Variants in CKAP2L observed in about 807,000 individuals in gnomAD.
CKAP2L encodes the protein cytoskeleton-associated protein 2-like.
Under a neutral mutation model 65.7 loss-of-function variants are expected in CKAP2L, and 42 were observed. The observed-to-expected ratio is 0.64, with a 90% CI of 0.50 to 0.83. The LOEUF (loss-of-function observed/expected upper bound fraction) is 0.83. CKAP2L is among the 40% of genes least tolerant of loss of function. The pLI is 0.00. For synonymous variants in CKAP2L, 325 were observed against 313.5 expected (o/e 1.04, Z -0.39); for missense variants, 908 against 871.0 (o/e 1.04, Z -0.53).
chr2:112,761,891 A>G (rs1680733937), intron 2 of CKAP2L, among the ~76,000 whole-genome samples: 1 of 152,250 alleles, frequency 6.6e-6, no homozygotes, highest in Non-Finnish European at 1.5e-5. Context: ...AAGATAAAAT[A>G]AAGGGTGAAA....
Position 112,756,714 on chromosome 2 carries a change from G to C in CKAP2L, c.657C>G (p.Asn219Lys). The change falls in exon 4 of 9, where the codon AAC (asparagine) becomes AAG (lysine). Residue 219 changes from asparagine to lysine, a missense_variant. Physicochemically the swap from Asn to Lys is moderately conservative, Grantham distance 94. Coordinates refer to ENST00000302450, the MANE Select transcript of CKAP2L (RefSeq NM_152515.5). ...PKTDSYNQTK[N>K]SLVPKQALGK... ...CCAAGGCTTGTTTAGGAACTAAACT[G>C]TTCTTGGTTTGATTATAAGAGTCAG... 1 of 1,593,600 alleles carries C rather than the reference G, an allele frequency of 6.3e-7. No individual in the cohort carries two copies. Among genetic ancestry groups the C allele is most frequent in the Non-Finnish European group, 8.5e-7 (1 of 1,172,992 alleles).
Position 112,752,470 on chromosome 2 carries a change from G to C in CKAP2L, c.1399C>G (p.Gln467Glu), listed in dbSNP as rs371614737. ...TTAGATTTCTGCCATTCTTCTAGTT[G>C]TTTCCTGAAATTCAATTAAAGGGAG... Reference protein sequence around the residue: ...KKATAEDRRKQLEEWQKSKGK... With the variant: ...KKATAEDRRKELEEWQKSKGK... The change falls in exon 5 of 9, where the codon CAA becomes GAA. Residue 467 changes from glutamine (Q) to glutamate (E), a missense_variant. Gln to Glu is a conservative substitution (Grantham distance 29). Transcript: ENST00000302450. 1.1e-5 allele frequency: 18 copies of C among 1,594,102 alleles called. No individual in the cohort carries two copies. The African/African-American group carries it at 2.3e-4, about 20-fold the overall frequency.
At chr2:112,742,991 C>G (rs1680069397) in intron 6 of CKAP2L, 3 of 525,826 alleles carry the variant, frequency 5.7e-6, no homozygotes, top group African/African-American at 3.8e-5. Flanking sequence ...ACTTAATGAA[C>G]AGATGTATTT....
rs557259876 is a variant in CKAP2L at position 112,740,960 on chromosome 2, C to T, written c.1870G>A (p.Glu624Lys). ...LVAETSITSV[E>K]ELAKKMESVK... The stretch of plus-strand genomic sequence containing the variant: ...GATTCCATCTTCTTGGCCAGCTCTT[C>T]CACTGATGTTATACTAGTTTCAGCA... The change falls in exon 8 of 9, where the codon GAA (glutamate) becomes AAA (lysine). Residue 624 changes from glutamate to lysine, a missense_variant. Coordinates refer to ENST00000302450, the MANE Select transcript of CKAP2L (RefSeq NM_152515.5). 6.2e-7 allele frequency: 1 copy of T among 1,613,826 alleles called. No homozygotes were observed. The highest frequency in any genetic ancestry group is 1.7e-5 in the Admixed American group (1 of 60,022).
intron 3 of CKAP2L, among the ~76,000 whole-genome samples, chr2:112,759,735 T>A (rs1680660725): frequency 6.6e-6 from 1 of 152,230 alleles, no homozygotes; most frequent in Non-Finnish European, 1.5e-5. Flanking sequence ...TGTCTAATGA[T>A]GTCATGTATA....
chr2:112,762,478 C>A (rs376477599), intron 2 of CKAP2L, 25 bp downstream of exon 2: 1 of 1,599,096 alleles, frequency 6.3e-7, no homozygotes, highest in South Asian at 1.1e-5. Flanking sequence ...ACAAAACTTG[C>A]GTAACTGTGG....
In CKAP2L at chr2:112,763,626, T is replaced by C. The variant is rs905522042; in HGVS notation, c.37+936A>G. 9 of 150,808 alleles carry C rather than the reference T, an allele frequency of 6.0e-5. No homozygotes were observed. The East Asian group carries it at 1.8e-3, about 29-fold the overall frequency. 9.3% of individuals were successfully genotyped at this position (150,808 alleles called of 1,614,324 possible). ...AGAGGTAGGGCATAAATGAGGGGAG[T>C]AGGTGGCTAGAAAAGGTTAAAAGTA... is the stretch of plus-strand genomic sequence containing the variant. On this transcript the variant is annotated intron_variant, in intron 1 of 8. Transcript: ENST00000302450.
intron 8 of CKAP2L, among the ~76,000 whole-genome samples, chr2:112,739,975 A>G (rs1319468848): frequency 6.6e-6 from 1 of 151,292 alleles, no homozygotes; most frequent in Non-Finnish European, 1.5e-5. Context: ...TTTTTTTGAG[A>G]TGGAGTTTCA....
intron 1 of CKAP2L, among the ~76,000 whole-genome samples, chr2:112,763,241 C>T (rs1323574946): frequency 6.6e-6 from 1 of 152,144 alleles, no homozygotes; most frequent in Non-Finnish European, 1.5e-5. Flanking sequence ...GAGCTCACAG[C>T]CACTGTTCTC....
In CKAP2L at chr2:112,763,672, C is replaced by T. The variant is rs539471550; in HGVS notation, c.37+890G>A. 5 of 151,508 alleles carry T rather than the reference C, an allele frequency of 3.3e-5. No individual in the cohort carries two copies. The East Asian group carries it at 9.9e-4, about 30-fold the overall frequency. 9.4% of individuals were successfully genotyped at this position (151,508 alleles called of 1,614,324 possible). A position where few individuals can be genotyped will look rare whatever the true frequency, so the allele number is the denominator to read the frequency against. On this transcript the variant is annotated intron_variant, in intron 1 of 8. Coordinates refer to ENST00000302450, the MANE Select transcript of CKAP2L (RefSeq NM_152515.5). ...AAGTAAATAATGATGTGAAGGAAGA[C>T]AAAAAGACGACAGGGGTGCCAAACG... is the stretch of plus-strand genomic sequence containing the variant.
At chr2:112,741,792 C>T (rs1434429244) in intron 7 of CKAP2L, among the ~76,000 whole-genome samples, 1 of 152,050 alleles carries the variant, frequency 6.6e-6, no homozygotes, top group African/African-American at 2.4e-5. Context: ...TGGAGTTTCG[C>T]TCTTGTTGTC....
At chr2:112,744,483 A>G (rs1680136575) in intron 6 of CKAP2L, among the ~76,000 whole-genome samples, 1 of 152,224 alleles carries the variant, frequency 6.6e-6, no homozygotes, top group African/African-American at 2.4e-5. Context: ...CCTAAACTCT[A>G]TGCAGCCTAG....
chr2:112,740,915 G>A lies in CKAP2L; in HGVS notation c.1915C>T (p.Pro639Ser), dbSNP rs1679897222. ...KMESVKSCLS[P>S]KEREQVTATP... Reference sequence around the variant, plus strand: ...GCCGTGACTTGTTCCCTCTCTTTTGGAGAAAGACAAGACTTCACAGATTCC... The same window carrying A: ...GCCGTGACTTGTTCCCTCTCTTTTGAAGAAAGACAAGACTTCACAGATTCC... Residue 639 changes from proline to serine, a missense_variant, in exon 8 of 9, where the codon CCA becomes TCA. Physicochemically the swap from Pro to Ser is moderately conservative, Grantham distance 74. Coordinates refer to ENST00000302450, the MANE Select transcript of CKAP2L (RefSeq NM_152515.5). 1 of 1,613,778 alleles carries A rather than the reference G, an allele frequency of 6.2e-7. No homozygotes were observed. Among genetic ancestry groups the A allele is most frequent in the Non-Finnish European group, 8.5e-7 (1 of 1,179,874 alleles).
intron 1 of CKAP2L, 21 bp from the exon 2 acceptor site, chr2:112,762,590 C>T (rs780570919): frequency 3.8e-5 from 61 of 1,594,966 alleles, no homozygotes; most frequent in Non-Finnish European, 4.0e-5. Context: ...GGCAAGCAAA[C>T]AAACGACATA....
intron 8 of CKAP2L, among the ~76,000 whole-genome samples, chr2:112,740,317 C>G (rs555174814): frequency 8.0e-4 from 122 of 152,290 alleles, no homozygotes; most frequent in African/African-American, 2.7e-3. Flanking sequence ...AGATCATGAT[C>G]AGAGAAGAGT....
intron 5 of CKAP2L, among the ~76,000 whole-genome samples, chr2:112,747,454 C>T (rs182913035): frequency 6.6e-6 from 1 of 152,256 alleles, no homozygotes; most frequent in East Asian, 1.9e-4. Flanking sequence ...GGACTAATAG[C>T]AGTGTAAAGA....
intron 7 of CKAP2L, 57 bp from the exon 8 acceptor site, chr2:112,741,064 G>C: frequency 8.6e-7 from 1 of 1,157,702 alleles, no homozygotes; most frequent in Non-Finnish European, 1.3e-6. Flanking sequence ...ACTTCAACTA[G>C]AAGTCAATAA....
At chr2:112,746,727 T>C in intron 5 of CKAP2L, 152 bp from the exon 6 acceptor site, 3 of 490,354 alleles carry the variant, frequency 6.1e-6, no homozygotes, top group East Asian at 3.1e-5. Flanking sequence ...TGAGGTACAA[T>C]GTACATGTAA....
At chr2:112,750,936 A>G (rs1680355162) in intron 5 of CKAP2L, among the ~76,000 whole-genome samples, 2 of 152,158 alleles carry the variant, frequency 1.3e-5, no homozygotes, top group African/African-American at 4.8e-5. Context: ...TTTTAAAAAG[A>G]TTAATGAGAA....
Sources: gnomAD v4.1 joint callset for allele counts (sites outside exome capture counted in the v4.1 genomes callset) on GRCh38, gnomAD v4.1.1 for gene constraint, MANE v1.5 for transcripts, NCBI Gene and HGNC (gene_info 2026-07-23, HGNC 2026-07-21) for gene names.